Variants in PDXDC1 observed in about 807,000 individuals in gnomAD.
The protein encoded by PDXDC1 is pyridoxal-dependent decarboxylase domain-containing protein 1.
A neutral mutation model predicts 100.1 loss-of-function variants in PDXDC1; 42 were observed. That is an observed-to-expected ratio of 0.42 (90% confidence interval 0.33 to 0.54). The LOEUF is 0.54. Among genes scored for constraint, PDXDC1 ranks in the 20% least tolerant of loss-of-function variants. The pLI is 0.10. For synonymous variants in PDXDC1, 260 were observed against 371.7 expected, an observed-to-expected ratio of 0.70 and a Z score of 3.46; for missense variants, 636 against 979.2, an observed-to-expected ratio of 0.65 and a Z score of 4.68.
At chr16:15,089,600 A>G (rs1464000952) in intron 16 of PDXDC1, among the ~76,000 whole-genome samples, 1 of 151,718 alleles carries the variant, frequency 6.6e-6, no homozygotes, top group African/African-American at 2.4e-5. Flanking sequence ...GAAGATCGAG[A>G]CCATCCTGGC....
rs2043068659 is a variant in PDXDC1, at chr16:15,031,593, C to A, written c.1400-142C>A. Reference sequence around the variant, plus strand: ...AATTCTTCCATATCTGTGTTGAGGGCCTTTTTTTGTTTAAATCTCCATGGC... The same window carrying A: ...AATTCTTCCATATCTGTGTTGAGGGACTTTTTTTGTTTAAATCTCCATGGC... On this transcript the variant is annotated intron_variant, in intron 16 of 22. Coordinates refer to ENST00000396410, the MANE Select transcript of PDXDC1 (RefSeq NM_015027.4). 5 of 631,018 alleles carry A rather than the reference C, an allele frequency of 7.9e-6. No individual in the cohort carries two copies. The East Asian group carries it at 1.1e-4, about 14-fold the overall frequency. 39.1% of individuals were successfully genotyped at this position (631,018 alleles called of 1,614,324 possible).
intron 16 of PDXDC1, among the ~76,000 whole-genome samples, chr16:15,129,447 G>A (rs922701261): frequency 6.6e-6 from 1 of 152,128 alleles, no homozygotes; most frequent in Non-Finnish European, 1.5e-5. Flanking sequence ...TCCAAAAAAA[G>A]AAAAACGAAA....
intron 16 of PDXDC1, chr16:15,131,635 G>A (rs2966125): frequency 4.3e-5 from 68 of 1,594,044 alleles, no homozygotes; most frequent in African/African-American, 2.5e-4. Flanking sequence ...CACCATCCGC[G>A]ATGGTGACTC....
the PDXDC1 span, among the ~76,000 whole-genome samples, chr16:15,147,422 T>A: frequency 6.6e-6 from 1 of 151,936 alleles, no homozygotes; most frequent in Non-Finnish European, 1.5e-5. Flanking sequence ...AGACCAGGAG[T>A]GGCTGCAACC....
intron 16 of PDXDC1, among the ~76,000 whole-genome samples, chr16:15,052,877 C>A (rs769983250): frequency 2.0e-5 from 3 of 152,042 alleles, no homozygotes; most frequent in African/African-American, 4.8e-5. Context: ...AGCTACGCTG[C>A]GAGCATCTTG....
At chr16:15,139,762 C>CAGAGCAAGACCCGGTCTCGAAAGAAA (rs1555485380), downstream of PDXDC1, among the ~76,000 whole-genome samples, 2 of 151,606 alleles carry the variant, frequency 1.3e-5, no homozygotes, top group Non-Finnish European at 2.9e-5. Flanking sequence ...GCCTGGGCGA[C>CAGAGCAAGACCCGGTCTCGAAAGAAA]AGAGCAAGAC....
In PDXDC1 at chr16:15,037,973, C is replaced by T; in HGVS notation, c.*1698C>T. ...GTAGGATCCAGATCTGGATTCGTGC[C>T]AGCCCCACCAATGGTCTGTCAGGCC... is the stretch of plus-strand genomic sequence containing the variant. On this transcript the variant is annotated 3_prime_UTR_variant, in exon 23 of 23. Coordinates refer to ENST00000396410, the MANE Select transcript of PDXDC1 (RefSeq NM_015027.4). The T allele has an allele frequency of 3.8e-6, 5 of 1,331,766 alleles. No homozygotes were observed. Among genetic ancestry groups the T allele is most frequent in the Non-Finnish European group, 5.3e-6 (5 of 939,962 alleles). The allele number at this position is 1,331,766 out of a possible 1,614,324, so 82.5% of individuals were successfully genotyped here.
chr16:15,130,991 A>T (rs577337406), intron 16 of PDXDC1: 1 of 859,152 alleles, frequency 1.2e-6, no homozygotes, highest in South Asian at 1.4e-5. Context: ...ACAGAAAGCA[A>T]ATTTCACCAG....
At chr16:15,094,759 C>G (rs1242842332) in intron 16 of PDXDC1, 1 of 160,642 alleles carries the variant, frequency 6.2e-6, no homozygotes, top group Non-Finnish European at 1.4e-5. Flanking sequence ...TACCTCAGAG[C>G]CTCAAGGCTA....
intron 16 of PDXDC1, chr16:15,070,988 C>G (rs1223811524): frequency 7.3e-6 from 5 of 688,908 alleles, no homozygotes; most frequent in Middle Eastern, 4.4e-4. Flanking sequence ...ATATAAACAT[C>G]TTGCACAGAG....
chr16:15,034,833 G>C (rs1199433907), intron 21 of PDXDC1, among the ~76,000 whole-genome samples: 2 of 152,166 alleles, frequency 1.3e-5, no homozygotes, highest in Non-Finnish European at 2.9e-5. Context: ...AGACTCTCAG[G>C]GTGCTGTGTC....
intron 16 of PDXDC1, chr16:15,130,689 G>A (rs771308683): frequency 1.4e-5 from 21 of 1,476,378 alleles, no homozygotes; most frequent in Non-Finnish European, 2.0e-5. Context: ...GAGGGACTCT[G>A]GGCGGATCCT....
intron 16 of PDXDC1, among the ~76,000 whole-genome samples, chr16:15,110,170 G>C (rs1347802937): frequency 6.7e-6 from 1 of 149,472 alleles, no homozygotes; most frequent in Non-Finnish European, 1.5e-5. Context: ...AAGAGAGAGA[G>C]AGACAAAGGA....
chr16:15,112,550 TTTG>T (rs2047111321), intron 16 of PDXDC1, among the ~76,000 whole-genome samples: 1 of 150,896 alleles, frequency 6.6e-6, no homozygotes, highest in Non-Finnish European at 1.5e-5. Context: ...CTTTGTAGAA[TTTG>T]TTTTTTCCTG....
chr16:15,027,420 G>A (rs559313693), intron 14 of PDXDC1, among the ~76,000 whole-genome samples: 35 of 152,356 alleles, frequency 2.3e-4, no homozygotes, highest in Non-Finnish European at 3.5e-4. Context: ...TAATTTAGCC[G>A]TCTGTAGGCA....
rs373465201 is a variant in PDXDC1 at position 15,036,192 on chromosome 16, G to C, written c.2284G>C (p.Asp762His). 2 of 1,614,006 alleles carry C rather than the reference G, an allele frequency of 1.2e-6. No individual in the cohort carries two copies. The highest frequency in any genetic ancestry group is 2.7e-5 in the African/African-American group (2 of 74,928). The change falls in exon 23 of 23, where the codon GAC becomes CAC. Residue 762 changes from aspartate (D) to histidine (H), a missense_variant. Asp to His is a moderately conservative substitution (Grantham distance 81). This residue lies in a region of PDXDC1 where 452 missense variants were observed against 402.9 expected (regional missense o/e 1.12). Transcript: ENST00000396410. Reference sequence around the variant, plus strand: ...AGGGGCTCCCAGCCCTCAGCACACCGACCAGACCGAGGCCTTCCAGAAAGG... The same window carrying C: ...AGGGGCTCCCAGCCCTCAGCACACCCACCAGACCGAGGCCTTCCAGAAAGG... ...HPGAPSPQHT[D>H]QTEAFQKGVP...
chr16:15,094,199 C>T (rs2046260188), intron 16 of PDXDC1: 1 of 1,599,984 alleles, frequency 6.3e-7, no homozygotes. Flanking sequence ...GGCCGCATCT[C>T]CCGGCAAACG....
At chr16:15,020,975 A>AC (rs2042153033) in intron 12 of PDXDC1, among the ~76,000 whole-genome samples, 10 of 145,932 alleles carry the variant, frequency 6.9e-5, no homozygotes, top group Admixed American at 2.7e-4. Flanking sequence ...GCACCATCTA[A>AC]ACACACACAC....
chr16:14,984,362 T>C (rs1968745461), intron 1 of PDXDC1, among the ~76,000 whole-genome samples: 1 of 144,058 alleles, frequency 6.9e-6, no homozygotes, highest in South Asian at 2.3e-4. Context: ...TCAACTGTAA[T>C]GTCTCTAAAT....
Sources: allele counts gnomAD v4.1 joint callset (sites outside exome capture counted in the v4.1 genomes callset), GRCh38; gene constraint gnomAD v4.1.1; regional missense constraint gnomAD v4.1.1; transcripts MANE v1.5; gene names NCBI Gene and HGNC (gene_info 2026-07-23, HGNC 2026-07-21).